Variants in CFAP54 observed in about 807,000 individuals in gnomAD.
CFAP54 encodes cilia and flagella associated protein 54, also known as cilia- and flagella-associated protein 54.
In CFAP54, 290 loss-of-function variants were observed where a neutral mutation model predicts 370.4. The observed-to-expected ratio is 0.78, with a 90% CI of 0.71 to 0.86. CFAP54 has a LOEUF of 0.86. CFAP54 is among the 40% of genes least tolerant of loss of function. The pLI is 0.00. For missense variants in CFAP54, 3,399 were observed against 3,528.7 expected (o/e 0.96, Z 0.93); for synonymous variants, 1,206 against 1,236.5 (o/e 0.98, Z 0.52).
At chr12:96,685,307 T>C (rs1382504862) in intron 42 of CFAP54, 69 bp downstream of exon 42, 25 of 1,385,336 alleles carry the variant, frequency 1.8e-5, no homozygotes, top group Non-Finnish European at 2.6e-5. Flanking sequence ...TCCTGTGCCA[T>C]ACAAAGTGCT....
chr12:96,703,917 AT>A (rs1486186242), intron 46 of CFAP54, among the ~76,000 whole-genome samples: 1 of 152,190 alleles, frequency 6.6e-6, no homozygotes, highest in Non-Finnish European at 1.5e-5. Context: ...TATAAACAAA[AT>A]AGTCATCAGT....
In CFAP54 at chr12:96,499,539, C is replaced by T. The variant is rs369123720; in HGVS notation, c.318-1295C>T. ...GTGGGAATGCAAAATAGTACAGCCA[C>T]TTTGGAGGACAGGTGGTTTTTTACA... On this transcript the variant is annotated intron_variant, in intron 1 of 67. Coordinates refer to ENST00000524981, the MANE Select transcript of CFAP54 (RefSeq NM_001306084.2). Among the ~76,000 whole-genome samples the T allele has an allele frequency of 2.6e-5, 4 of 152,100 alleles. No homozygotes were observed. The South Asian group carries it at 8.3e-4, about 32-fold the overall frequency.
intron 60 of CFAP54, among the ~76,000 whole-genome samples, chr12:96,780,550 T>G (rs1049964220): frequency 1.1e-4 from 16 of 152,074 alleles, no homozygotes; most frequent in African/African-American, 3.9e-4. Context: ...AGTTTCAACT[T>G]TCAACTAACT....
chr12:96,618,102 G>A (rs1405852576), intron 26 of CFAP54, among the ~76,000 whole-genome samples: 1 of 151,996 alleles, frequency 6.6e-6, no homozygotes, highest in Non-Finnish European at 1.5e-5. Flanking sequence ...GGAAGGCCAG[G>A]TTACACTCTC....
chr12:96,757,905 T>C (rs1252853360), intron 58 of CFAP54, among the ~76,000 whole-genome samples: 3 of 152,210 alleles, frequency 2.0e-5, no homozygotes, highest in African/African-American at 7.2e-5. Context: ...TGCAAGGCAA[T>C]GAATGAGTCA....
At chr12:96,613,252 C>A (rs1956378421) in intron 26 of CFAP54, among the ~76,000 whole-genome samples, 1 of 152,190 alleles carries the variant, frequency 6.6e-6, no homozygotes, top group Non-Finnish European at 1.5e-5. Flanking sequence ...AACTGAACAA[C>A]CTGCTCCTGA....
chr12:96,578,914 T>A (rs1407435679), intron 20 of CFAP54, among the ~76,000 whole-genome samples: 1 of 152,236 alleles, frequency 6.6e-6, no homozygotes, highest in African/African-American at 2.4e-5. Context: ...TCTACCCTTA[T>A]GTAGATTCTA....
chr12:96,503,015 C>T (rs955641729), intron 2 of CFAP54, among the ~76,000 whole-genome samples: 6 of 150,580 alleles, frequency 4.0e-5, no homozygotes, highest in South Asian at 2.1e-4. Context: ...CTTCCTCTCT[C>T]CCTCCCTCTC....
At chr12:96,862,602 A>G (rs960507209) in intron 67 of CFAP54, among the ~76,000 whole-genome samples, 1 of 152,240 alleles carries the variant, frequency 6.6e-6, no homozygotes, top group Non-Finnish European at 1.5e-5. Flanking sequence ...GGAAAGAAAC[A>G]AAAGACAAGA....
chr12:96,758,386 A>G (rs141526776), intron 58 of CFAP54, among the ~76,000 whole-genome samples: 12 of 152,292 alleles, frequency 7.9e-5, no homozygotes, highest in African/African-American at 2.4e-4. Context: ...ATGGCAGCAG[A>G]CAAAGAATGA....
At chr12:96,812,087 C>A (rs1184337029) in intron 64 of CFAP54, among the ~76,000 whole-genome samples, 1 of 152,148 alleles carries the variant, frequency 6.6e-6, no homozygotes, top group African/African-American at 2.4e-5. Flanking sequence ...GTTTATGTAA[C>A]CTCTGTACTT....
chr12:96,689,854 C>T (rs1286515751), intron 43 of CFAP54, among the ~76,000 whole-genome samples: 1 of 152,130 alleles, frequency 6.6e-6, no homozygotes, highest in Non-Finnish European at 1.5e-5. Context: ...GATGGGCACT[C>T]TTGTTCTGTG....
At chr12:96,716,769 G>A (rs1212026798) in intron 48 of CFAP54, among the ~76,000 whole-genome samples, 1 of 152,202 alleles carries the variant, frequency 6.6e-6, no homozygotes, top group Non-Finnish European at 1.5e-5. Flanking sequence ...CTGGAATTTA[G>A]TCTGGAATTC....
At chr12:96,778,220 A>T (rs762305218) in intron 60 of CFAP54, among the ~76,000 whole-genome samples, 1 of 152,132 alleles carries the variant, frequency 6.6e-6, no homozygotes, top group Non-Finnish European at 1.5e-5. Context: ...CTGCAAATGG[A>T]ATATTTAGGT....
rs373762049 is a variant in CFAP54, at chr12:96,695,035, C to CA, written c.6351+1236dup. Among the ~76,000 whole-genome samples, 565 of 150,086 alleles carry CA rather than the reference C, an allele frequency of 3.8e-3. 3 individuals carry two copies. The highest frequency in any genetic ancestry group is 6.9e-3 in the Middle Eastern group (2 of 290). On this transcript the variant is annotated intron_variant, in intron 45 of 67. Transcript: ENST00000524981. ...GACTCCGTGTCAAAAAAAACAAAAA[C>CA]AAAAAAAAACAAAAAAACACCTCAA...
intron 63 of CFAP54, among the ~76,000 whole-genome samples, chr12:96,808,753 A>T (rs1269756473): frequency 6.6e-6 from 1 of 152,152 alleles, no homozygotes; most frequent in Non-Finnish European, 1.5e-5. Flanking sequence ...TGCAGACCAG[A>T]TGTTATAGGC....
At chr12:96,700,557 A>G (rs1284950473) in intron 46 of CFAP54, among the ~76,000 whole-genome samples, 4 of 152,198 alleles carry the variant, frequency 2.6e-5, no homozygotes, top group African/African-American at 4.8e-5. Context: ...AGGAGAGAAC[A>G]TTCCTCCATA....
chr12:96,530,210 C>T (rs553388720), intron 9 of CFAP54, among the ~76,000 whole-genome samples: 6 of 152,300 alleles, frequency 3.9e-5, no homozygotes, highest in Admixed American at 2.6e-4. Context: ...GTTCACTTGG[C>T]GGGGTACCAT....
chr12:96,509,505 A>G (rs1955142172), intron 4 of CFAP54, among the ~76,000 whole-genome samples: 1 of 152,106 alleles, frequency 6.6e-6, no homozygotes, highest in Non-Finnish European at 1.5e-5. Context: ...CAAATATTTA[A>G]CCAATCTTGG....
Sources: allele counts gnomAD v4.1 joint callset (sites outside exome capture counted in the v4.1 genomes callset), GRCh38; gene constraint gnomAD v4.1.1; transcripts MANE v1.5; gene names NCBI Gene and HGNC (gene_info 2026-07-23, HGNC 2026-07-21).